The following ABCC8 variants were observed in gnomAD, a reference collection of about 807,000 sequenced individuals.
The protein encoded by ABCC8 is ATP binding cassette subfamily C member 8.
In ABCC8, 137 loss-of-function variants were observed where a neutral mutation model predicts 188.0. The observed-to-expected ratio is 0.73, with a 90% CI of 0.63 to 0.84. The LOEUF is 0.84. ABCC8 is among the 40% of genes least tolerant of loss of function. The pLI, the probability that ABCC8 is intolerant of heterozygous loss-of-function variation, is 0.00. For missense variants in ABCC8, 1,750 were observed against 2,072.7 expected, an observed-to-expected ratio of 0.84 and a Z score of 3.02; for synonymous variants, 797 against 846.5, an observed-to-expected ratio of 0.94 and a Z score of 1.01.
rs530397555 is a variant in ABCC8 at position 17,437,226 on chromosome 11, C to T, written c.1631-4982G>A. Among the ~76,000 whole-genome samples, 11 of 152,148 alleles carry T rather than the reference C, an allele frequency of 7.2e-5. No individual in the cohort carries two copies. The South Asian group carries it at 1.9e-3, about 26-fold the overall frequency. On this transcript the variant is annotated intron_variant, in intron 10 of 38. Transcript: ENST00000389817. The stretch of plus-strand genomic sequence containing the variant: ...AGTGTAAGTTTTTCATACCCTCAAC[C>T]CTTGCCCCATACAAAACGAAACAAA...
intron 3 of ABCC8, among the ~76,000 whole-genome samples, chr11:17,464,336 T>A (rs1412024707): frequency 6.6e-6 from 1 of 152,088 alleles, no homozygotes; most frequent in Admixed American, 6.5e-5. Flanking sequence ...AGCAGGGGCA[T>A]GGGGGATACG....
At chr11:17,432,863 A>G (rs1367264304) in intron 10 of ABCC8, among the ~76,000 whole-genome samples, 2 of 152,184 alleles carry the variant, frequency 1.3e-5, no homozygotes, top group African/African-American at 2.4e-5. Context: ...CCAGGAAGAA[A>G]AGACAGTGGG....
rs1240360841 is a variant in ABCC8 at position 17,404,267 on chromosome 11, C to T, written c.3557+245G>A. On this transcript the variant is annotated intron_variant, in intron 28 of 38. Transcript: ENST00000389817. The surrounding 1 kb of genome is among the most constrained non-coding windows in gnomAD (Gnocchi z 4.7). ...TGCATTTATCATGACCTAGCAATTCCAGTCCTGACCATATCGCCCAAGGAA... is the reference window on the plus strand; with the variant it reads ...TGCATTTATCATGACCTAGCAATTCTAGTCCTGACCATATCGCCCAAGGAA... 3.3e-5 allele frequency among the ~76,000 whole-genome samples: 5 copies of T among 152,214 alleles called. No individual in the cohort carries two copies. The highest frequency in any genetic ancestry group is 9.6e-5 in the African/African-American group (4 of 41,454).
rs541994067 is a variant in ABCC8 at position 17,408,813 on chromosome 11, G to A, written c.2695-296C>T. Among the ~76,000 whole-genome samples the A allele has an allele frequency of 6.6e-5, 10 of 152,248 alleles. No individual in the cohort carries two copies. In the South Asian group the frequency reaches 1.9e-3, roughly 28 times the overall value. ...TCACAAGGACTCCACCCACGGCAGC[G>A]GCCGTCATACACTAAGTGGGCTCAT... On this transcript the variant is annotated intron_variant, in intron 22 of 38. Coordinates refer to ENST00000389817, the MANE Select transcript of ABCC8 (RefSeq NM_000352.6).
At chr11:17,412,946 T>A in intron 20 of ABCC8, 200 bp from the exon 21 acceptor site, 1 of 1,205,108 alleles carries the variant, frequency 8.3e-7, no homozygotes, top group Non-Finnish European at 1.1e-6. Flanking sequence ...CCCAAGTCTT[T>A]AAAGATTCAT....
intron 30 of ABCC8, 39 bp from the exon 31 acceptor site, chr11:17,397,836 T>C: frequency 6.2e-7 from 1 of 1,610,300 alleles, no homozygotes; most frequent in East Asian, 2.2e-5. Context: ...GCTCAGGGGT[T>C]AGAGCCACAG....
At chr11:17,450,324 TTCTC>T (rs576893666) in intron 7 of ABCC8, among the ~76,000 whole-genome samples, 1,455 of 75,594 alleles carry the variant, frequency 0.019, 61 homozygotes, top group South Asian at 0.037. Context: ...CTTTCTTTCT[TTCTC>T]TCTCTCTCTT....
intron 7 of ABCC8, among the ~76,000 whole-genome samples, chr11:17,451,383 A>G (rs1013698929): frequency 1.3e-5 from 2 of 152,212 alleles, no homozygotes; most frequent in Non-Finnish European, 2.9e-5. Flanking sequence ...TCACATAATG[A>G]CATCCCTGAG....
intron 27 of ABCC8, 43 bp downstream of exon 27, chr11:17,405,451 G>T: frequency 6.2e-7 from 1 of 1,613,758 alleles, no homozygotes; most frequent in Non-Finnish European, 8.5e-7. Flanking sequence ...AGGGGTCCGA[G>T]GTGTCTCTGG....
chr11:17,475,647 AT>A (rs1848721346), intron 1 of ABCC8, among the ~76,000 whole-genome samples: 1 of 152,172 alleles, frequency 6.6e-6, no homozygotes, highest in Admixed American at 6.5e-5. Flanking sequence ...ATGAGCACAT[AT>A]TTTGTATGTT....
At chr11:17,426,865 AC>A (rs755709830) in intron 16 of ABCC8, among the ~76,000 whole-genome samples, 183 bp downstream of exon 16, 7 of 152,232 alleles carry the variant, frequency 4.6e-5, no homozygotes, top group Non-Finnish European at 1.0e-4. Context: ...TTAGCAAAGA[AC>A]CTGCGCATAG....
chr11:17,422,893 C>A (rs1023196767), intron 16 of ABCC8, among the ~76,000 whole-genome samples: 1 of 152,040 alleles, frequency 6.6e-6, no homozygotes, highest in Admixed American at 6.6e-5. Context: ...ACACCATCAC[C>A]CCTGCCTGGA....
intron 6 of ABCC8, among the ~76,000 whole-genome samples, chr11:17,458,297 T>C (rs961020995): frequency 2.0e-5 from 3 of 152,216 alleles, no homozygotes; most frequent in Admixed American, 2.0e-4. Flanking sequence ...GACAAGAGCA[T>C]TCCAATGAGA....
chr11:17,443,119 G>A, intron 9 of ABCC8, 59 bp downstream of exon 9: 1 of 1,591,198 alleles, frequency 6.3e-7, no homozygotes, highest in Non-Finnish European at 8.6e-7. Flanking sequence ...GAGGAGACCT[G>A]CTGCTGTCGA....
At chr11:17,422,638 T>C (rs190230627) in intron 16 of ABCC8, among the ~76,000 whole-genome samples, 22 of 152,300 alleles carry the variant, frequency 1.4e-4, no homozygotes, top group Non-Finnish European at 2.1e-4. Context: ...CACTGTGTTA[T>C]GATTATTTGC....
chr11:17,460,932 A>C, intron 5 of ABCC8: 1 of 628,034 alleles, frequency 1.6e-6, no homozygotes, highest in African/African-American at 1.8e-5. Context: ...GTCAGGGACT[A>C]TGTGATGAGC....
intron 10 of ABCC8, among the ~76,000 whole-genome samples, chr11:17,438,615 C>CT (rs1956197670): frequency 6.6e-6 from 1 of 152,194 alleles, no homozygotes; most frequent in Non-Finnish European, 1.5e-5. Context: ...GAGGAACCAC[C>CT]TAGAGTTATG....
At position 17,430,802 on chromosome 11, in the gene ABCC8, C is replaced by A; in HGVS notation, c.1817+12G>T. 1 of 1,613,874 alleles carries A rather than the reference C, an allele frequency of 6.2e-7. No individual in the cohort carries two copies. The highest frequency in any genetic ancestry group is 2.2e-5 in the East Asian group (1 of 44,846). ...TGCCTGCCCAGTGCCCTCGCCCGGACCCTCCCCTCACCTCACTAGAGCTTT... is the reference window on the plus strand; with the variant it reads ...TGCCTGCCCAGTGCCCTCGCCCGGAACCTCCCCTCACCTCACTAGAGCTTT... On this transcript the variant is annotated intron_variant, in intron 12 of 38. Coordinates refer to ENST00000389817, the MANE Select transcript of ABCC8 (RefSeq NM_000352.6).
At chr11:17,476,535 C>A in intron 1 of ABCC8, 94 bp downstream of exon 1, 1 of 1,487,364 alleles carries the variant, frequency 6.7e-7, no homozygotes, top group Non-Finnish European at 9.1e-7. Context: ...CGGTCGCGGG[C>A]CGGAAGGGGA....
Sources: allele counts gnomAD v4.1 joint callset (sites outside exome capture counted in the v4.1 genomes callset), GRCh38; gene constraint gnomAD v4.1.1; non-coding constraint Gnocchi (gnomAD v3.1); transcripts MANE v1.5; gene names NCBI Gene and HGNC (gene_info 2026-07-23, HGNC 2026-07-21).